TAFA2: variants seen among roughly 807,000 people sequenced by gnomAD.
The protein encoded by TAFA2 is chemokine-like protein TAFA-2.
TAFA2 carries 7 observed loss-of-function variants against 18.8 expected under a neutral mutation model. The ratio of observed to expected loss-of-function variants is 0.37; its 90% CI spans 0.21 to 0.70. The LOEUF (loss-of-function observed/expected upper bound fraction) is 0.70. Ranked by LOEUF, TAFA2 falls within the 30% of genes least tolerant of loss-of-function variation. The pLI is 0.53. For synonymous variants in TAFA2, 60 were observed against 54.2 expected, an observed-to-expected ratio of 1.11 and a Z score of -0.47; for missense variants, 122 against 158.1, an observed-to-expected ratio of 0.77 and a Z score of 1.23.
chr12:62,188,853 C>T (rs913968628), intron 1 of TAFA2, among the ~76,000 whole-genome samples: 2 of 152,140 alleles, frequency 1.3e-5, no homozygotes, highest in African/African-American at 2.4e-5. Context: ...CATGTCATCA[C>T]ATTTTATAAC....
In TAFA2 at chr12:61,968,215, C is replaced by T. The variant is rs77708768; in HGVS notation, c.-1-100789G>A. On this transcript the variant is annotated intron_variant, in intron 1 of 4. Transcript: ENST00000416284. ...TTTTTCTATATACAACCTGCTTATT[C>T]CTATTTCTGGGCCTTTTGTCATGCT... Among the ~76,000 whole-genome samples, 974 of 151,792 alleles carry T rather than the reference C, an allele frequency of 6.4e-3. 14 individuals carry two copies. The highest frequency in any genetic ancestry group is 0.022 in the African/African-American group (925 of 41,474).
chr12:61,935,848 C>A (rs1316750586), intron 1 of TAFA2, among the ~76,000 whole-genome samples: 1 of 151,352 alleles, frequency 6.6e-6, no homozygotes, highest in Non-Finnish European at 1.5e-5. Flanking sequence ...GAAATTGAAT[C>A]AGTAATTAAA....
At chr12:62,153,133 G>T (rs2062340907) in intron 1 of TAFA2, among the ~76,000 whole-genome samples, 2 of 152,186 alleles carry the variant, frequency 1.3e-5, no homozygotes, top group African/African-American at 2.4e-5. Context: ...GTCCAGCTAT[G>T]ATGCATGAGA....
chr12:62,040,499 AC>A (rs1210737435), intron 1 of TAFA2, among the ~76,000 whole-genome samples: 7 of 152,034 alleles, frequency 4.6e-5, no homozygotes, highest in Non-Finnish European at 8.8e-5. Flanking sequence ...ACACATGCAA[AC>A]AGAAGACACA....
intron 1 of TAFA2, among the ~76,000 whole-genome samples, chr12:62,212,168 A>G (rs140516112): frequency 5.3e-4 from 81 of 152,366 alleles, no homozygotes; most frequent in African/African-American, 1.9e-3. Flanking sequence ...AATTTGGTGT[A>G]TAGTCACCAT....
chr12:62,212,732 T>C (rs2062719418), intron 1 of TAFA2, among the ~76,000 whole-genome samples: 1 of 152,226 alleles, frequency 6.6e-6, no homozygotes, highest in Non-Finnish European at 1.5e-5. Context: ...TCCTCTTTTT[T>C]ATTCATTTGG....
At chr12:61,800,589 A>G (rs1871362522) in intron 2 of TAFA2, among the ~76,000 whole-genome samples, 1 of 152,176 alleles carries the variant, frequency 6.6e-6, no homozygotes, top group East Asian at 1.9e-4. Flanking sequence ...TGATGTTTCA[A>G]AAGTATGGAG....
intron 2 of TAFA2, among the ~76,000 whole-genome samples, chr12:61,799,754 G>A (rs909267591): frequency 2.0e-5 from 3 of 152,054 alleles, no homozygotes; most frequent in Admixed American, 6.6e-5. Context: ...CCCGGGAGGC[G>A]GAGCTTGCAG....
At chr12:62,200,604 T>C (rs567641633) in intron 1 of TAFA2, among the ~76,000 whole-genome samples, 1 of 152,216 alleles carries the variant, frequency 6.6e-6, no homozygotes, top group African/African-American at 2.4e-5. Flanking sequence ...TTCTGTTCCA[T>C]TGGTCTATTG....
intron 1 of TAFA2, among the ~76,000 whole-genome samples, chr12:61,869,303 C>T (rs10735897): frequency 0.81 from 123,747 of 152,170 alleles, 50,468 homozygotes; most frequent in East Asian, 0.89. Context: ...GTCAGTAAGA[C>T]GAAGATAATA....
At chr12:61,836,975 A>G (rs1451196684) in intron 2 of TAFA2, among the ~76,000 whole-genome samples, 1 of 151,236 alleles carries the variant, frequency 6.6e-6, no homozygotes, top group Non-Finnish European at 1.5e-5. Context: ...TATTTCTACC[A>G]TTTTAATTTT....
At chr12:62,117,365 T>C (rs1169765207) in intron 1 of TAFA2, among the ~76,000 whole-genome samples, 1 of 152,170 alleles carries the variant, frequency 6.6e-6, no homozygotes, top group Non-Finnish European at 1.5e-5. Flanking sequence ...GTTTTAATTT[T>C]GCTATTCTAG....
chr12:61,824,558 T>G (rs1423206635), intron 2 of TAFA2, among the ~76,000 whole-genome samples: 1 of 152,128 alleles, frequency 6.6e-6, no homozygotes, highest in South Asian at 2.1e-4. Flanking sequence ...CTATTTTATT[T>G]CCAAAAAAAG....
At chr12:62,170,319 G>T (rs1040574921) in intron 1 of TAFA2, among the ~76,000 whole-genome samples, 1 of 152,200 alleles carries the variant, frequency 6.6e-6, no homozygotes, top group Admixed American at 6.5e-5. Context: ...ATCACATTGG[G>T]TGAGGACTTG....
intron 2 of TAFA2, among the ~76,000 whole-genome samples, chr12:61,811,829 G>A (rs1871882247): frequency 6.6e-6 from 1 of 151,404 alleles, no homozygotes; most frequent in Non-Finnish European, 1.5e-5. Flanking sequence ...GAGGTAGAAA[G>A]ACAATTTGGG....
intron 1 of TAFA2, among the ~76,000 whole-genome samples, chr12:62,232,637 G>A (rs775378648): frequency 6.6e-6 from 1 of 152,004 alleles, no homozygotes; most frequent in Non-Finnish European, 1.5e-5. Context: ...TCAGCCCCCC[G>A]AGTAGCTGGG....
At chr12:62,208,993 G>A (rs955980325) in intron 1 of TAFA2, among the ~76,000 whole-genome samples, 29 of 152,016 alleles carry the variant, frequency 1.9e-4, no homozygotes, top group Admixed American at 7.2e-4. Flanking sequence ...TTTCTGCCTG[G>A]TTTACTAGAT....
chr12:61,982,288 G>C (rs557120557), intron 1 of TAFA2, among the ~76,000 whole-genome samples: 1 of 152,076 alleles, frequency 6.6e-6, no homozygotes, highest in Non-Finnish European at 1.5e-5. Flanking sequence ...AGGGCCTGTC[G>C]TGGGGTGGGG....
chr12:62,126,811 T>C (rs982593783), intron 1 of TAFA2, among the ~76,000 whole-genome samples: 3 of 152,112 alleles, frequency 2.0e-5, no homozygotes, highest in East Asian at 3.9e-4. Flanking sequence ...TTCATAATAA[T>C]CATTTAGCTA....
Sources: gnomAD v4.1 joint callset for allele counts (sites outside exome capture counted in the v4.1 genomes callset) on GRCh38, gnomAD v4.1.1 for gene constraint, MANE v1.5 for transcripts, NCBI Gene and HGNC (gene_info 2026-07-23, HGNC 2026-07-21) for gene names.